The following STAT3 variants were observed in gnomAD, a reference collection of about 807,000 sequenced individuals.
STAT3 encodes the protein DNA-binding protein APRF.
In STAT3, 7 loss-of-function variants were observed where a neutral mutation model predicts 114.3. The observed-to-expected ratio is 0.06, with a 90% CI of 0.03 to 0.11. The LOEUF is 0.11. Among genes scored for constraint, STAT3 ranks in the 10% least tolerant of loss-of-function variants. The probability of loss-of-function intolerance (pLI) is 1.00; values close to 1 mark genes in which losing one functional copy is unlikely to be tolerated. For missense variants in STAT3, 364 were observed against 960.9 expected, an observed-to-expected ratio of 0.38 and a Z score of 8.21; for synonymous variants, 331 against 354.5, an observed-to-expected ratio of 0.93 and a Z score of 0.74.
intron 11 of STAT3, 37 bp downstream of exon 11, chr17:42,331,435 C>G: frequency 1.3e-6 from 2 of 1,556,586 alleles, no homozygotes; most frequent in Non-Finnish European, 1.8e-6. Flanking sequence ...TTTTCTATTC[C>G]TCATTTGAAA....
intron 1 of STAT3, among the ~76,000 whole-genome samples, chr17:42,382,588 G>A (rs1442451174): frequency 2.6e-5 from 4 of 151,876 alleles, no homozygotes; most frequent in South Asian, 2.1e-4. Flanking sequence ...CCTGCCTGAC[G>A]CAATACCTGG....
At chr17:42,343,418 G>C (rs2082538544) in intron 4 of STAT3, among the ~76,000 whole-genome samples, 1 of 146,762 alleles carries the variant, frequency 6.8e-6, no homozygotes, top group Non-Finnish European at 1.5e-5. Flanking sequence ...TATGCAAATT[G>C]CATACATTTA....
intron 4 of STAT3, among the ~76,000 whole-genome samples, chr17:42,343,731 G>A (rs138665771): frequency 1.8e-4 from 27 of 152,204 alleles, no homozygotes; most frequent in African/African-American, 6.3e-4. Context: ...TGGATTACAG[G>A]CGTGAGACAT....
At chr17:42,322,875 G>T in intron 20 of STAT3, 129 bp downstream of exon 20, 3 of 1,324,908 alleles carry the variant, frequency 2.3e-6, no homozygotes, top group Non-Finnish European at 3.2e-6. Flanking sequence ...AATGTGTTTT[G>T]CGAGTCTGAG....
At chr17:42,352,196 G>A (rs943655427) in intron 1 of STAT3, among the ~76,000 whole-genome samples, 4 of 151,928 alleles carry the variant, frequency 2.6e-5, no homozygotes, top group African/African-American at 7.2e-5. Context: ...AAAATTAGCC[G>A]AGCATGGTGG....
intron 1 of STAT3, among the ~76,000 whole-genome samples, chr17:42,386,280 CAAAA>C (rs61454571): frequency 9.4e-6 from 1 of 106,182 alleles, no homozygotes. Flanking sequence ...GACTCTGACT[CAAAA>C]AAAAAAAAAA....
chr17:42,374,419 C>G (rs2084337712), intron 1 of STAT3, among the ~76,000 whole-genome samples: 1 of 151,926 alleles, frequency 6.6e-6, no homozygotes, highest in Non-Finnish European at 1.5e-5. Flanking sequence ...ACCAGTCTGA[C>G]CAACACAGTG....
Position 42,333,529 on chromosome 17 carries a change from T to C in STAT3, c.1049+144A>G. 3 of 896,732 alleles carry C rather than the reference T, an allele frequency of 3.3e-6. No individual in the cohort carries two copies. Among genetic ancestry groups the C allele is most frequent in the Non-Finnish European group, 5.3e-6 (3 of 562,862 alleles). 55.5% of individuals were successfully genotyped at this position (896,732 alleles called of 1,614,324 possible). On this transcript the variant is annotated intron_variant, in intron 10 of 23. Coordinates refer to ENST00000264657, the MANE Select transcript of STAT3 (RefSeq NM_139276.3). This position sits in a 1 kb window ranked among gnomAD's most constrained non-coding sequence, Gnocchi z 5.2. ...TCAGAATCAGAGAGCAAGCAGATAGTATGGCAACAAATTTCAACCCCGCAA... is the reference window on the plus strand; with the variant it reads ...TCAGAATCAGAGAGCAAGCAGATAGCATGGCAACAAATTTCAACCCCGCAA...
intron 4 of STAT3, among the ~76,000 whole-genome samples, chr17:42,343,541 G>C (rs1302999592): frequency 7.5e-6 from 1 of 132,572 alleles, no homozygotes; most frequent in Non-Finnish European, 1.5e-5. Flanking sequence ...TACAACCTCC[G>C]CCTCCCAGGT....
chr17:42,372,426 C>T (rs994831063), intron 1 of STAT3, among the ~76,000 whole-genome samples: 3 of 152,062 alleles, frequency 2.0e-5, no homozygotes, highest in Admixed American at 6.6e-5. Flanking sequence ...ACCTGAAATG[C>T]ATATCATTTA....
At chr17:42,349,274 T>G (rs973388225) in intron 1 of STAT3, among the ~76,000 whole-genome samples, 6 of 152,254 alleles carry the variant, frequency 3.9e-5, no homozygotes, top group Non-Finnish European at 8.8e-5. Context: ...CAGATTTCTA[T>G]TCCCTTGTCT....
At chr17:42,358,872 T>C (rs892637993) in intron 1 of STAT3, among the ~76,000 whole-genome samples, 1 of 151,622 alleles carries the variant, frequency 6.6e-6, no homozygotes, top group Non-Finnish European at 1.5e-5. Flanking sequence ...TGGTGCCAGA[T>C]CCTCAGAGCT....
chr17:42,318,553 G>A (rs915033799), intron 21 of STAT3, among the ~76,000 whole-genome samples: 3 of 152,170 alleles, frequency 2.0e-5, no homozygotes, highest in Admixed American at 6.5e-5. Context: ...ATGCGTTGAC[G>A]GGAATAAAAT....
intron 1 of STAT3, among the ~76,000 whole-genome samples, chr17:42,373,124 G>A (rs2084247847): frequency 6.6e-6 from 1 of 152,138 alleles, no homozygotes; most frequent in East Asian, 1.9e-4. Context: ...GGCCAAGGCA[G>A]GCGGATCACG....
intron 18 of STAT3, 47 bp downstream of exon 18, chr17:42,323,526 G>C (rs1190477694): frequency 1.2e-6 from 2 of 1,604,574 alleles, no homozygotes; most frequent in Middle Eastern, 1.7e-4. Flanking sequence ...CGACAGCCGT[G>C]CAGGTGAGCA....
At chr17:42,349,561 A>T (rs6503697) in intron 1 of STAT3, among the ~76,000 whole-genome samples, 44,424 of 152,122 alleles carry the variant, frequency 0.29, 6,761 homozygotes, top group East Asian at 0.4. Flanking sequence ...CTACTCAACA[A>T]ATAATAACTA....
intron 1 of STAT3, among the ~76,000 whole-genome samples, chr17:42,359,431 G>A (rs572703640): frequency 7.5e-4 from 114 of 152,270 alleles, no homozygotes; most frequent in African/African-American, 2.7e-3. Context: ...TTAATTTAAG[G>A]AGAGAAGGGA....
chr17:42,347,015 G>T (rs1236338448), intron 2 of STAT3, among the ~76,000 whole-genome samples: 1 of 151,532 alleles, frequency 6.6e-6, no homozygotes, highest in Non-Finnish European at 1.5e-5. Flanking sequence ...ATGGTGAAAC[G>T]CTGTCTCTAC....
Position 42,313,438 on chromosome 17 carries a change from A to G in STAT3, c.*2307T>C, listed in dbSNP as rs2081146473. On this transcript the variant is annotated 3_prime_UTR_variant, in exon 24 of 24. Transcript: ENST00000264657. ...TCACAATAATATAAATTTTTACACTATGAAGTACACATTGGAATTTGAATG... is the reference window on the plus strand; with the variant it reads ...TCACAATAATATAAATTTTTACACTGTGAAGTACACATTGGAATTTGAATG... The G allele has an allele frequency of 4.6e-6, 1 of 217,278 alleles. No homozygotes were observed. The highest frequency in any genetic ancestry group is 9.3e-6 in the Non-Finnish European group (1 of 107,934). The allele number at this position is 217,278 out of a possible 1,614,324, so 13.5% of individuals were successfully genotyped here. A position where few individuals can be genotyped will look rare whatever the true frequency, so the allele number is the denominator to read the frequency against.
Sources: gnomAD v4.1 joint callset for allele counts (sites outside exome capture counted in the v4.1 genomes callset) on GRCh38, gnomAD v4.1.1 for gene constraint, Gnocchi (gnomAD v3.1) non-coding constraint, MANE v1.5 for transcripts, NCBI Gene and HGNC (gene_info 2026-07-23, HGNC 2026-07-21) for gene names.